Variants in ZFP64 observed in about 807,000 individuals in gnomAD.
ZFP64 encodes zinc finger protein 64.
A neutral mutation model predicts 51.6 loss-of-function variants in ZFP64; 14 were observed. That is an observed-to-expected ratio of 0.27 (90% confidence interval 0.18 to 0.42). The LOEUF is 0.42. Ranked by LOEUF, ZFP64 falls within the 10% of genes least tolerant of loss-of-function variation. ZFP64 has a pLI of 1.00. For synonymous variants in ZFP64, 375 were observed against 361.4 expected (o/e 1.04, Z -0.43); for missense variants, 754 against 906.8 (o/e 0.83, Z 2.16).
chr20:52,132,320 C>A (rs1405836325), intron 5 of ZFP64, among the ~76,000 whole-genome samples: 1 of 151,422 alleles, frequency 6.6e-6, no homozygotes, highest in African/African-American at 2.4e-5. Flanking sequence ...ACTAGAAAAG[C>A]AAAAACAAAC....
At chr20:52,104,137 G>A (rs549229735) in intron 5 of ZFP64, among the ~76,000 whole-genome samples, 4 of 152,332 alleles carry the variant, frequency 2.6e-5, no homozygotes, top group South Asian at 4.1e-4. Context: ...CAGCCTAAGA[G>A]AAAGTAGGAA....
intron 1 of ZFP64, 25 bp from the exon 2 acceptor site, chr20:52,187,096 C>A: frequency 1.3e-6 from 2 of 1,586,802 alleles, no homozygotes; most frequent in Admixed American, 1.7e-5. Context: ...GGGAAAGTAA[C>A]GGATTAATTC....
At chr20:52,098,853 T>C (rs1302655771) in intron 5 of ZFP64, among the ~76,000 whole-genome samples, 1 of 151,544 alleles carries the variant, frequency 6.6e-6, no homozygotes, top group Non-Finnish European at 1.5e-5. Flanking sequence ...AATACAAGAA[T>C]CAGCCAGGCA....
At chr20:52,150,581 TTGA>T, downstream of ZFP64, among the ~76,000 whole-genome samples, 1 of 152,354 alleles carries the variant, frequency 6.6e-6, no homozygotes, top group East Asian at 1.9e-4. Context: ...ACTATTATCA[TTGA>T]TGATAGGAAA....
At chr20:52,161,125 T>C (rs1981761097) in intron 4 of ZFP64, among the ~76,000 whole-genome samples, 1 of 152,168 alleles carries the variant, frequency 6.6e-6, no homozygotes, top group Non-Finnish European at 1.5e-5. Flanking sequence ...TGCCCACCTG[T>C]CCTAGCCTGC....
intron 5 of ZFP64, among the ~76,000 whole-genome samples, chr20:52,139,670 A>C (rs1980157337): frequency 6.6e-6 from 1 of 152,178 alleles, no homozygotes; most frequent in Admixed American, 6.5e-5. Context: ...AAAAAACAAA[A>C]CAAAATAAAG....
chr20:52,127,437 C>T (rs558193722), intron 5 of ZFP64, among the ~76,000 whole-genome samples: 3 of 152,188 alleles, frequency 2.0e-5, no homozygotes, highest in Admixed American at 6.6e-5. Flanking sequence ...ATCATGGGGG[C>T]GGCTGCTGTT....
chr20:52,188,308 C>CTTTTTTTTTTTTT (rs1164512289), intron 1 of ZFP64, among the ~76,000 whole-genome samples: 7 of 104,224 alleles, frequency 6.7e-5, no homozygotes, highest in Non-Finnish European at 1.2e-4. Flanking sequence ...CTTTTTCTTT[C>CTTTTTTTTTTTTT]TTTTTTTTTT....
downstream of ZFP64, among the ~76,000 whole-genome samples, chr20:52,150,558 T>C (rs1980743096): frequency 6.6e-6 from 1 of 151,692 alleles, no homozygotes; most frequent in Non-Finnish European, 1.5e-5. Context: ...ACCAAAAACA[T>C]AGTTAATAAC....
At chr20:52,140,302 C>T (rs1254496340) in intron 5 of ZFP64, among the ~76,000 whole-genome samples, 5 of 152,122 alleles carry the variant, frequency 3.3e-5, no homozygotes, top group Non-Finnish European at 5.9e-5. Context: ...AGGTTAAGCT[C>T]GGTGAGGAAG....
chr20:52,165,185 C>T (rs1040203130), intron 3 of ZFP64: 7 of 457,668 alleles, frequency 1.5e-5, no homozygotes, highest in South Asian at 6.2e-5. Flanking sequence ...GAAAGGACAT[C>T]GGTGGGACAC....
intron 5 of ZFP64, chr20:52,111,159 G>A: frequency 1.5e-6 from 1 of 680,974 alleles, no homozygotes; most frequent in Non-Finnish European, 2.7e-6. Flanking sequence ...CGGGGAGGTG[G>A]GGAAGCCGTA....
rs545593479 is a variant in ZFP64 at position 52,176,525 on chromosome 20, C to T, written c.286+10307G>A. ...TCTCTCTTTTTTTTTTTTTTTGAGA[C>T]GGAGTCTCGCTCTGTCGCCCAGGCC... On this transcript the variant is annotated intron_variant, in intron 2 of 5. Coordinates refer to ENST00000216923, the MANE Select transcript of ZFP64 (RefSeq NM_018197.3). Among the ~76,000 whole-genome samples, 52 of 119,612 alleles carry T rather than the reference C, an allele frequency of 4.3e-4. No homozygotes were observed. In the South Asian group the frequency reaches 0.012, roughly 27 times the overall value. The allele number at this position is 119,612 out of a possible 152,430, so 78.5% of individuals were successfully genotyped here. A position where few individuals can be genotyped will look rare whatever the true frequency, so the allele number is the denominator to read the frequency against.
chr20:52,149,258 T>G (rs1033482740), downstream of ZFP64, among the ~76,000 whole-genome samples: 3 of 149,522 alleles, frequency 2.0e-5, no homozygotes, highest in Non-Finnish European at 3.0e-5. Flanking sequence ...AACTTACACT[T>G]TTGAATCTAC....
chr20:52,121,678 T>G (rs778680941), intron 5 of ZFP64, among the ~76,000 whole-genome samples: 5 of 152,120 alleles, frequency 3.3e-5, no homozygotes, highest in Non-Finnish European at 7.4e-5. Context: ...TGCAGCAAGT[T>G]CTCCAGAAGA....
intron 1 of ZFP64, among the ~76,000 whole-genome samples, chr20:52,187,550 AG>A (rs1984060961): frequency 6.6e-6 from 1 of 152,118 alleles, no homozygotes; most frequent in African/African-American, 2.4e-5. Flanking sequence ...TGAACCCAGC[AG>A]GCAGAGGTTG....
At chr20:52,169,254 T>C (rs1207665700) in intron 2 of ZFP64, among the ~76,000 whole-genome samples, 1 of 152,242 alleles carries the variant, frequency 6.6e-6, no homozygotes, top group Non-Finnish European at 1.5e-5. Flanking sequence ...AACCAGACTC[T>C]GGCACTTGTG....
Position 52,191,599 on chromosome 20 carries a change from G to A in ZFP64, c.38C>T (p.Ser13Leu), listed in dbSNP as rs763477278. ...CCCGGAAAAGCACTTACTTTGCACC[G>A]AGCCCGCGAAGCTCTCGCCCTCGCT... ...ASSEGESFAG[S>L]VQIPGGTTVL... The change falls in exon 1 of 6, where the codon TCG becomes TTG. Residue 13 changes from serine to leucine, a missense_variant. Physicochemically the swap from Ser to Leu is moderately radical, Grantham distance 145. Transcript: ENST00000216923. This position sits in a 1 kb window ranked among gnomAD's most constrained non-coding sequence, Gnocchi z 4.3. 7 of 1,589,194 alleles carry A rather than the reference G, an allele frequency of 4.4e-6. No homozygotes were observed. Among genetic ancestry groups the A allele is most frequent in the Non-Finnish European group, 6.0e-6 (7 of 1,170,760 alleles).
chr20:52,088,582 G>C lies in ZFP64; in HGVS notation c.1038C>G (p.Thr346=), dbSNP rs7265957. The stretch of plus-strand genomic sequence containing the variant: ...CACTGGTGTGGCACCGCATGTGCAT[G>C]GTCAGGTTGTCCTTCCGGCTGAAGC... The change falls in exon 8 of 9, where the codon ACC becomes ACG. Residue 346 remains threonine (T), a synonymous_variant. Coordinates refer to the ZFP64 transcript ENST00000361387. 6,649 of 1,614,170 alleles carry C rather than the reference G, an allele frequency of 4.1e-3. 252 individuals carry two copies. The African/African-American group carries it at 0.078, about 19-fold the overall frequency.
Sources: gnomAD v4.1 joint callset for allele counts (sites outside exome capture counted in the v4.1 genomes callset) on GRCh38, gnomAD v4.1.1 for gene constraint, Gnocchi (gnomAD v3.1) non-coding constraint, MANE v1.5 for transcripts, NCBI Gene and HGNC (gene_info 2026-07-23, HGNC 2026-07-21) for gene names.